ZNF521: variants seen among roughly 807,000 people sequenced by gnomAD.
ZNF521 encodes LYST-interacting protein 3.
ZNF521 carries 14 observed loss-of-function variants against 105.5 expected under a neutral mutation model. The ratio of observed to expected loss-of-function variants is 0.13; its 90% CI spans 0.09 to 0.21. The LOEUF is 0.21. ZNF521 is among the 10% of genes least tolerant of loss of function. ZNF521 has a pLI of 1.00. For missense variants in ZNF521, 1,233 were observed against 1,629.7 expected (o/e 0.76, Z 4.19); for synonymous variants, 635 against 606.0 (o/e 1.05, Z -0.70).
At chr18:25,333,456 G>A (rs759198717) in intron 2 of ZNF521, among the ~76,000 whole-genome samples, 2 of 151,922 alleles carry the variant, frequency 1.3e-5, no homozygotes, top group Non-Finnish European at 2.9e-5. Flanking sequence ...GGTCAATTCC[G>A]CTGTTGCTGT....
At chr18:25,196,973 C>T (rs1002462394) in intron 4 of ZNF521, among the ~76,000 whole-genome samples, 9 of 151,658 alleles carry the variant, frequency 5.9e-5, no homozygotes, top group Non-Finnish European at 1.0e-4. Flanking sequence ...AAACTGTCTC[C>T]AAAAATGATG....
Position 25,225,170 on chromosome 18 carries a change from A to C in ZNF521, c.2748T>G (p.Ser916Arg). 6.2e-7 allele frequency: 1 copy of C among 1,614,058 alleles called. No homozygotes were observed. Among genetic ancestry groups the C allele is most frequent in the Non-Finnish European group, 8.5e-7 (1 of 1,180,016 alleles). The part of the protein sequence containing the change: ...LRDHNIRPGE[S>R]AIVKKKAELI... ...GCTCAGCTTTCTTTTTCACGATGGCACTTTCTCCAGGTCTGATGTTGTGGT... is the reference window on the plus strand; with the variant it reads ...GCTCAGCTTTCTTTTTCACGATGGCCCTTTCTCCAGGTCTGATGTTGTGGT... The change falls in exon 4 of 8, where the codon AGT becomes AGG. Residue 916 changes from serine (S) to arginine (R), a missense_variant. Physicochemically the swap from Ser to Arg is moderately radical, Grantham distance 110. This residue lies in a region of ZNF521 where 614 missense variants were observed against 751.5 expected (regional missense o/e 0.82). Coordinates refer to ENST00000361524, the MANE Select transcript of ZNF521 (RefSeq NM_015461.3). The surrounding 1 kb of genome is among the most constrained non-coding windows in gnomAD (Gnocchi z 5.6).
intron 5 of ZNF521, among the ~76,000 whole-genome samples, chr18:25,175,296 G>C (rs1220372441): frequency 1.3e-5 from 2 of 152,162 alleles, no homozygotes; most frequent in African/African-American, 4.8e-5. Context: ...ATGGGGGTCA[G>C]GGAAGTAATA....
chr18:25,285,706 A>T (rs879515340), intron 3 of ZNF521, among the ~76,000 whole-genome samples: 9,111 of 139,636 alleles, frequency 0.065, 522 homozygotes, highest in African/African-American at 0.2. Flanking sequence ...TCTCACACAC[A>T]CACACACACA....
chr18:25,252,774 CT>C (rs1279285646), intron 3 of ZNF521, among the ~76,000 whole-genome samples: 1 of 152,136 alleles, frequency 6.6e-6, no homozygotes, highest in Non-Finnish European at 1.5e-5. Context: ...TTCACATTAA[CT>C]TCAAACCCCA....
chr18:25,128,901 C>T (rs1377947337), intron 5 of ZNF521, among the ~76,000 whole-genome samples: 1 of 151,978 alleles, frequency 6.6e-6, no homozygotes, highest in Non-Finnish European at 1.5e-5. Context: ...AAATTTAACA[C>T]AATCCCAATC....
intron 5 of ZNF521, among the ~76,000 whole-genome samples, chr18:25,103,563 T>A (rs2144266600): frequency 6.6e-6 from 1 of 152,250 alleles, no homozygotes; most frequent in African/African-American, 2.4e-5. Flanking sequence ...CAGCTCAATA[T>A]ATTCCTAACC....
Position 25,276,884 on chromosome 18 carries a change from G to A in ZNF521, c.220+45124C>T, listed in dbSNP as rs554390464. ...TGAGTTTGGATATTATCATTAATAA[G>A]TGTATCTATTACATCAGGCCAGGGG... On this transcript the variant is annotated intron_variant, in intron 3 of 7. Transcript: ENST00000361524. Among the ~76,000 whole-genome samples, 36 of 152,284 alleles carry A rather than the reference G, an allele frequency of 2.4e-4. No homozygotes were observed. The South Asian group carries it at 3.5e-3, about 15-fold the overall frequency.
At chr18:25,128,108 T>C (rs977634558) in intron 5 of ZNF521, among the ~76,000 whole-genome samples, 1 of 151,630 alleles carries the variant, frequency 6.6e-6, no homozygotes, top group Non-Finnish European at 1.5e-5. Flanking sequence ...CAACAATACA[T>C]AAAACAATTA....
At chr18:25,118,115 T>G (rs2034364836) in intron 5 of ZNF521, among the ~76,000 whole-genome samples, 1 of 152,056 alleles carries the variant, frequency 6.6e-6, no homozygotes, top group South Asian at 2.1e-4. Flanking sequence ...TCAATAGATC[T>G]CAGAAGACAG....
At chr18:25,167,651 CTG>C (rs1443988583) in intron 5 of ZNF521, among the ~76,000 whole-genome samples, 1 of 152,154 alleles carries the variant, frequency 6.6e-6, no homozygotes, top group African/African-American at 2.4e-5. Context: ...CATGCCAACA[CTG>C]TTGCATGAGT....
chr18:25,333,955 G>T (rs1405691729), intron 2 of ZNF521, among the ~76,000 whole-genome samples: 1 of 152,144 alleles, frequency 6.6e-6, no homozygotes, highest in African/African-American at 2.4e-5. Context: ...CTCCACCCAA[G>T]CAAATCTCTT....
intron 7 of ZNF521, among the ~76,000 whole-genome samples, chr18:25,081,881 G>C (rs532383846): frequency 5.3e-5 from 8 of 152,148 alleles, no homozygotes; most frequent in Non-Finnish European, 1.0e-4. Flanking sequence ...AACAAACTGA[G>C]GTTAGCTTAG....
intron 3 of ZNF521, among the ~76,000 whole-genome samples, chr18:25,283,672 G>A (rs1202530647): frequency 6.6e-6 from 1 of 152,138 alleles, no homozygotes; most frequent in Admixed American, 6.5e-5. Flanking sequence ...AGAAAATAAT[G>A]TGCTGCTGGA....
At position 25,262,115 on chromosome 18, in the gene ZNF521, C is replaced by T. The variant is rs564785361; in HGVS notation, c.221-34418G>A. 6.6e-5 allele frequency among the ~76,000 whole-genome samples: 10 copies of T among 152,264 alleles called. No individual in the cohort carries two copies. In the East Asian group the frequency reaches 1.7e-3, roughly 26 times the overall value. ...TACAGTACAAGGAAACAATCACTTA[C>T]GTCCCTTTATCACTTATGTCTTATG... On this transcript the variant is annotated intron_variant, in intron 3 of 7. Transcript: ENST00000361524.
At chr18:25,108,619 T>C (rs2034120737) in intron 5 of ZNF521, among the ~76,000 whole-genome samples, 1 of 152,186 alleles carries the variant, frequency 6.6e-6, no homozygotes, top group Non-Finnish European at 1.5e-5. Context: ...GAGCTATGGT[T>C]AGAAATTTGA....
In ZNF521 at chr18:25,227,759, G is replaced by A. The variant is rs73409111; in HGVS notation, c.221-62C>T. On this transcript the variant is annotated intron_variant, in intron 3 of 7. Transcript: ENST00000361524. This position sits in a 1 kb window ranked among gnomAD's most constrained non-coding sequence, Gnocchi z 5.7. Reference sequence around the variant, plus strand: ...GTTGAGATTCAAGAGTGAGTTTACCGTAGCATTTCAACCAGCACGCAGAGT... The same window carrying A: ...GTTGAGATTCAAGAGTGAGTTTACCATAGCATTTCAACCAGCACGCAGAGT... 72,217 of 1,428,480 alleles carry A rather than the reference G, an allele frequency of 0.051. 2,074 individuals are homozygous for A. The highest frequency in any genetic ancestry group is 0.072 in the African/African-American group (5,103 of 70,680). 88.5% of individuals were successfully genotyped at this position (1,428,480 alleles called of 1,614,324 possible).
At chr18:25,204,652 T>C (rs568591358) in intron 4 of ZNF521, among the ~76,000 whole-genome samples, 1 of 152,160 alleles carries the variant, frequency 6.6e-6, no homozygotes, top group Non-Finnish European at 1.5e-5. Context: ...AAAATTTGTC[T>C]TTCTACACAC....
chr18:25,231,379 A>G (rs1166524497), intron 3 of ZNF521: 1 of 152,306 alleles, frequency 6.6e-6, no homozygotes, highest in Admixed American at 6.5e-5. Flanking sequence ...CTGTTCAGGC[A>G]TATTTATGGG....
Sources: allele counts gnomAD v4.1 joint callset (sites outside exome capture counted in the v4.1 genomes callset), GRCh38; gene constraint gnomAD v4.1.1; regional missense constraint gnomAD v4.1.1; non-coding constraint Gnocchi (gnomAD v3.1); transcripts MANE v1.5; gene names NCBI Gene and HGNC (gene_info 2026-07-23, HGNC 2026-07-21).